The following DRAM1 variants were observed in gnomAD, a reference collection of about 807,000 sequenced individuals.
DRAM1 encodes the protein DNA damage-regulated autophagy modulator protein 1.
DRAM1 carries 25 observed loss-of-function variants against 28.5 expected under a neutral mutation model. The ratio of observed to expected loss-of-function variants is 0.88; its 90% confidence interval spans 0.64 to 1.23. The LOEUF (loss-of-function observed/expected upper bound fraction) is 1.23, where lower values mean the gene tolerates loss of function less well. DRAM1 is among the 50% of genes most tolerant of loss of function. The pLI, the probability that DRAM1 is intolerant of heterozygous loss-of-function variation, is 0.00. For missense variants in DRAM1, 249 were observed against 299.2 expected, an observed-to-expected ratio of 0.83 and a Z score of 1.24; for synonymous variants, 113 against 114.2, an observed-to-expected ratio of 0.99 and a Z score of 0.07.
At position 101,891,728 on chromosome 12, in the gene DRAM1, A is replaced by T. The variant is rs369769099; in HGVS notation, c.132-6135A>T. ...AATTTGCTGGCCTTGTCCTCTTTACAGTTTCCAGAAAGTGCCTTATTAGCA... is the reference window on the plus strand; with the variant it reads ...AATTTGCTGGCCTTGTCCTCTTTACTGTTTCCAGAAAGTGCCTTATTAGCA... On this transcript the variant is annotated intron_variant, in intron 1 of 6. Transcript: ENST00000258534. Among the ~76,000 whole-genome samples, 204 of 152,358 alleles carry T rather than the reference A, an allele frequency of 1.3e-3. 1 individual carries two copies. The highest frequency in any genetic ancestry group is 4.7e-3 in the African/African-American group (197 of 41,594).
chr12:101,877,880 G>A lies in DRAM1; in HGVS notation c.91G>A (p.Val31Met). ...AAFIISYVVA[V>M]LSGHVNPFLP... is the part of the protein sequence containing the mutation. ...CTTCATTATCTCCTACGTGGTCGCC[G>A]TGCTCTCCGGGCACGTCAACCCCTT... Residue 31 changes from valine (V) to methionine (M), a missense_variant, in exon 1 of 7, where the codon GTG becomes ATG. By Grantham distance (21) the Val-to-Met change is conservative (BLOSUM62 1). Coordinates refer to ENST00000258534, the MANE Select transcript of DRAM1 (RefSeq NM_018370.3). This position sits in a 1 kb window ranked among gnomAD's most constrained non-coding sequence, Gnocchi z 4.1. 1.3e-6 allele frequency: 2 copies of A among 1,543,470 alleles called. No individual in the cohort carries two copies. Among genetic ancestry groups the A allele is most frequent in the Non-Finnish European group, 8.8e-7 (1 of 1,142,374 alleles).
chr12:101,889,999 T>G, intron 1 of DRAM1: 1 of 445,786 alleles, frequency 2.2e-6, no homozygotes. Flanking sequence ...GTTGTGAAGA[T>G]CAAGTAAGAT....
At chr12:101,908,970 G>A (rs1376958650) in intron 4 of DRAM1, among the ~76,000 whole-genome samples, 4 of 147,904 alleles carry the variant, frequency 2.7e-5, no homozygotes, top group Non-Finnish European at 6.0e-5. Flanking sequence ...TCGGATAAAA[G>A]TGTAGATCAA....
Position 101,912,731 on chromosome 12 carries a change from ATTT to A in DRAM1, c.521-1425_521-1423del, listed in dbSNP as rs10530801. ...GGCTCTAAACTTTCCTTGGCTCAACATTTTTTTTTTTTTTTTTTTTGAGACAGA... is the reference window on the plus strand; with the variant it reads ...GGCTCTAAACTTTCCTTGGCTCAACATTTTTTTTTTTTTTTTTGAGACAGA... On this transcript the variant is annotated intron_variant, in intron 4 of 6. Transcript: ENST00000258534. Among the ~76,000 whole-genome samples, 322 of 128,592 alleles carry A rather than the reference ATTT, an allele frequency of 2.5e-3. 1 individual carries two copies. The highest frequency in any genetic ancestry group is 8.2e-3 in the African/African-American group (264 of 32,284). 84.4% of individuals were successfully genotyped at this position (128,592 alleles called of 152,430 possible). A position where few individuals can be genotyped will look rare whatever the true frequency, so the allele number is the denominator to read the frequency against.
chr12:101,888,978 G>A (rs1282084446), intron 1 of DRAM1, among the ~76,000 whole-genome samples: 1 of 151,382 alleles, frequency 6.6e-6, no homozygotes, highest in Non-Finnish European at 1.5e-5. Flanking sequence ...CTAATTTTGT[G>A]TTTTTGTAGA....
chr12:101,919,669 G>A (rs1180392894), intron 5 of DRAM1, among the ~76,000 whole-genome samples: 2 of 152,198 alleles, frequency 1.3e-5, no homozygotes, highest in African/African-American at 4.8e-5. Context: ...AGTTGGCCAA[G>A]TTCATCTAGA....
intron 1 of DRAM1, among the ~76,000 whole-genome samples, chr12:101,889,310 C>T (rs1169928638): frequency 6.6e-6 from 1 of 152,144 alleles, no homozygotes; most frequent in Non-Finnish European, 1.5e-5. Flanking sequence ...TGTAATATAG[C>T]ACAGCAGAGA....
At chr12:101,880,537 C>T (rs1872657062) in intron 1 of DRAM1, among the ~76,000 whole-genome samples, 2 of 152,034 alleles carry the variant, frequency 1.3e-5, no homozygotes, top group African/African-American at 2.4e-5. Context: ...GATCCACCTG[C>T]CTCAGCCTCC....
At position 101,890,221 on chromosome 12, in the gene DRAM1, G is replaced by A. The variant is rs1873058891; in HGVS notation, c.132-7642G>A. On this transcript the variant is annotated intron_variant, in intron 1 of 6. Transcript: ENST00000258534. ...AGCCACCCGAGTAGCTGGGATTACA[G>A]GTATGTGCCACCACGCCTGGCTAAT... The A allele has an allele frequency of 3.5e-5, 12 of 345,570 alleles. 1 individual carries two copies. The highest frequency in any genetic ancestry group is 2.4e-4 in the South Asian group (11 of 45,790). The allele number at this position is 345,570 out of a possible 1,614,324, so 21.4% of individuals were successfully genotyped here. A position where few individuals can be genotyped will look rare whatever the true frequency, so the allele number is the denominator to read the frequency against.
At chr12:101,878,001 T>C in intron 1 of DRAM1, 81 bp downstream of exon 1, 3 of 1,352,636 alleles carry the variant, frequency 2.2e-6, no homozygotes, top group Non-Finnish European at 2.9e-6. Context: ...AGGGAAGGCG[T>C]CCGGACCCAG....
intron 1 of DRAM1, among the ~76,000 whole-genome samples, chr12:101,888,866 A>G (rs1345988627): frequency 7.4e-6 from 1 of 134,794 alleles, no homozygotes. Context: ...TTGCAGTGGC[A>G]TGATCTCAGC....
intron 2 of DRAM1, among the ~76,000 whole-genome samples, chr12:101,899,329 T>G (rs1262639082): frequency 6.6e-6 from 1 of 152,162 alleles, no homozygotes; most frequent in African/African-American, 2.4e-5. Flanking sequence ...TAAATACGGC[T>G]TTTGCTTCTG....
At chr12:101,917,694 C>CAAA (rs34726299) in intron 5 of DRAM1, among the ~76,000 whole-genome samples, 5,073 of 107,600 alleles carry the variant, frequency 0.047, 311 homozygotes, top group African/African-American at 0.15. Context: ...GACTCCATCT[C>CAAA]AAAAAAAAAA....
intron 1 of DRAM1, among the ~76,000 whole-genome samples, chr12:101,882,184 C>G (rs1176820856): frequency 6.7e-6 from 1 of 148,388 alleles, no homozygotes; most frequent in African/African-American, 2.5e-5. Flanking sequence ...TCTCGGCTCA[C>G]TGCAAGCTCC....
intron 1 of DRAM1, among the ~76,000 whole-genome samples, chr12:101,889,610 A>C (rs1037468830): frequency 3.3e-5 from 5 of 152,200 alleles, no homozygotes; most frequent in African/African-American, 1.2e-4. Flanking sequence ...CTCTGTGATC[A>C]AGTTAGTTTT....
chr12:101,900,771 C>G (rs960616101), intron 2 of DRAM1, among the ~76,000 whole-genome samples: 3 of 151,998 alleles, frequency 2.0e-5, no homozygotes, highest in Non-Finnish European at 4.4e-5. Context: ...GGTTTTTTGA[C>G]CCAGTAATAT....
Position 101,880,079 on chromosome 12 carries a change from G to A in DRAM1, c.131+2159G>A, listed in dbSNP as rs141760679. ...TGTTTGTTTTTTCAGACAAAGTCTC[G>A]CTCTGTTGCCCAGTCTGTGGTGTGG... On this transcript the variant is annotated intron_variant, in intron 1 of 6. Coordinates refer to ENST00000258534, the MANE Select transcript of DRAM1 (RefSeq NM_018370.3). Among the ~76,000 whole-genome samples the A allele has an allele frequency of 5.2e-3, 781 of 151,546 alleles. 10 individuals carry two copies. Among genetic ancestry groups the A allele is most frequent in the South Asian group, 7.5e-3 (36 of 4,778 alleles).
chr12:101,880,162 C>G (rs1466858192), intron 1 of DRAM1, among the ~76,000 whole-genome samples: 1 of 151,994 alleles, frequency 6.6e-6, no homozygotes, highest in Non-Finnish European at 1.5e-5. Context: ...ATCCTCCCAC[C>G]TCAGCCTCCT....
rs1055356054 is a variant in DRAM1, at chr12:101,921,065, A to G, written c.673-151A>G. ...AATTATTAGCTCAAAGGATATAGAA[A>G]GCCAAGAAAATTCTTTAGGACCTGA... On this transcript the variant is annotated intron_variant, in intron 6 of 6. Transcript: ENST00000258534. 7 of 661,944 alleles carry G rather than the reference A, an allele frequency of 1.1e-5. No individual in the cohort carries two copies. The African/African-American group carries it at 1.1e-4, about 10-fold the overall frequency. The allele number at this position is 661,944 out of a possible 1,614,324, so 41.0% of individuals were successfully genotyped here.
Sources: gnomAD v4.1 joint callset for allele counts (sites outside exome capture counted in the v4.1 genomes callset) on GRCh38, gnomAD v4.1.1 for gene constraint, Gnocchi (gnomAD v3.1) non-coding constraint, MANE v1.5 for transcripts, NCBI Gene and HGNC (gene_info 2026-07-23, HGNC 2026-07-21) for gene names.